MYRIP: variants seen among roughly 807,000 people sequenced by gnomAD.
The protein encoded by MYRIP is rab effector MyRIP.
MYRIP carries 49 observed loss-of-function variants against 98.0 expected under a neutral mutation model. The observed-to-expected ratio is 0.50, with a 90% CI of 0.40 to 0.63. The LOEUF is 0.63. Among genes scored for constraint, MYRIP ranks in the 30% least tolerant of loss-of-function variants. The pLI is 0.00. For synonymous variants in MYRIP, 404 were observed against 409.5 expected (o/e 0.99, Z 0.16); for missense variants, 1,004 against 1,058.2 (o/e 0.95, Z 0.71).
chr3:39,821,440 C>T (rs1205129987), intron 1 of MYRIP, among the ~76,000 whole-genome samples: 2 of 151,970 alleles, frequency 1.3e-5, no homozygotes, highest in Non-Finnish European at 2.9e-5. Flanking sequence ...TTTGTCTTCT[C>T]TATCCTATCA....
chr3:39,901,302 T>C (rs1340766947), intron 2 of MYRIP, among the ~76,000 whole-genome samples: 2 of 152,290 alleles, frequency 1.3e-5, no homozygotes, highest in African/African-American at 4.8e-5. Context: ...CTCATGCATG[T>C]ACAATGTTCT....
intron 2 of MYRIP, among the ~76,000 whole-genome samples, chr3:40,035,529 A>G (rs1201854592): frequency 6.6e-6 from 1 of 152,034 alleles, no homozygotes; most frequent in Non-Finnish European, 1.5e-5. Context: ...TGCAACCAAT[A>G]GACGGATTTG....
chr3:39,946,009 C>A (rs200027850), intron 2 of MYRIP, among the ~76,000 whole-genome samples: 2 of 149,334 alleles, frequency 1.3e-5, no homozygotes, highest in South Asian at 2.1e-4. Context: ...AGGTAATGGC[C>A]AAAAAAAAAG....
intron 3 of MYRIP, among the ~76,000 whole-genome samples, chr3:40,067,751 G>A (rs1039855686): frequency 2.6e-4 from 29 of 110,824 alleles, no homozygotes; most frequent in Non-Finnish European, 7.7e-5. Flanking sequence ...CCTGAAATGA[G>A]GTCTAAGAGA....
chr3:39,895,637 A>G (rs1433078926), intron 1 of MYRIP, among the ~76,000 whole-genome samples: 2 of 152,186 alleles, frequency 1.3e-5, no homozygotes, highest in Admixed American at 6.5e-5. Context: ...CTAATATTGT[A>G]AAGATGGCAG....
At chr3:39,970,527 A>C (rs1197203075) in intron 2 of MYRIP, among the ~76,000 whole-genome samples, 3 of 152,118 alleles carry the variant, frequency 2.0e-5, no homozygotes, top group African/African-American at 7.2e-5. Flanking sequence ...CGATGCTCTT[A>C]GTGATCATAC....
chr3:40,244,330 C>A, intron 12 of MYRIP, 116 bp from the exon 13 acceptor site: 1 of 824,494 alleles, frequency 1.2e-6, no homozygotes, highest in East Asian at 2.9e-5. Flanking sequence ...TAACATCCCC[C>A]CTGCAATGTG....
intron 1 of MYRIP, among the ~76,000 whole-genome samples, chr3:39,847,278 A>G (rs1339271157): frequency 6.6e-6 from 1 of 152,202 alleles, no homozygotes. Context: ...GTCTTGGATG[A>G]TGTTCACTCT....
chr3:40,125,952 A>T (rs1949518140), intron 3 of MYRIP, among the ~76,000 whole-genome samples: 1 of 152,084 alleles, frequency 6.6e-6, no homozygotes, highest in Admixed American at 6.6e-5. Context: ...GTTCTCTTCC[A>T]TCCAGATTCT....
chr3:39,849,771 T>C (rs115835861), intron 1 of MYRIP, among the ~76,000 whole-genome samples: 2,453 of 152,200 alleles, frequency 0.016, 31 homozygotes, highest in Non-Finnish European at 0.025. Context: ...GATTCTCCCA[T>C]AAATAAAACT....
intron 2 of MYRIP, among the ~76,000 whole-genome samples, chr3:39,985,933 G>T (rs551881169): frequency 3.8e-4 from 58 of 151,932 alleles, no homozygotes; most frequent in African/African-American, 1.3e-3. Flanking sequence ...AAAAGCAATG[G>T]CAACAAAAGC....
Position 40,251,914 on chromosome 3 carries a change from T to C in MYRIP, c.2462T>C (p.Ile821Thr), listed in dbSNP as rs1379075822. 6.2e-7 allele frequency: 1 copy of C among 1,613,712 alleles called. No individual in the cohort carries two copies. Among genetic ancestry groups the C allele is most frequent in the South Asian group, 1.1e-5 (1 of 91,054 alleles). ...ATTGAGACATCTTCAGTGACTACCA[T>C]TAAAACATTTAACCACAACTTCATT... ...EKIETSSVTT[I>T]KTFNHNFILQ... Residue 821 changes from isoleucine to threonine, a missense_variant, in exon 16 of 17, where the codon ATT becomes ACT. Coordinates refer to ENST00000302541, the MANE Select transcript of MYRIP (RefSeq NM_015460.4).
Position 39,809,655 on chromosome 3 carries a change from C to T in MYRIP, c.-292C>T, listed in dbSNP as rs1940596630. 6.6e-6 allele frequency: 1 copy of T among 151,888 alleles called. No individual in the cohort carries two copies. Among genetic ancestry groups the T allele is most frequent in the African/African-American group, 2.4e-5 (1 of 41,412 alleles). The allele number at this position is 151,888 out of a possible 1,614,324, so 9.4% of individuals were successfully genotyped here. A position where few individuals can be genotyped will look rare whatever the true frequency, so the allele number is the denominator to read the frequency against. Reference sequence around the variant, plus strand: ...GGCGCGGGCGCCTCCCTCGCAGCCGCTGCTGCCGACGCCGCTGCGCTCCCG... The same window carrying T: ...GGCGCGGGCGCCTCCCTCGCAGCCGTTGCTGCCGACGCCGCTGCGCTCCCG... On this transcript the variant is annotated 5_prime_UTR_variant, in exon 1 of 17. Transcript: ENST00000302541.
intron 3 of MYRIP, among the ~76,000 whole-genome samples, chr3:40,098,537 A>G (rs1054679509): frequency 6.6e-6 from 1 of 152,190 alleles, no homozygotes; most frequent in Non-Finnish European, 1.5e-5. Flanking sequence ...ACTGTAAGCA[A>G]AGTGCCCTGG....
chr3:40,238,820 A>G (rs1345194022), intron 12 of MYRIP: 1 of 152,254 alleles, frequency 6.6e-6, no homozygotes, highest in Non-Finnish European at 1.5e-5. Flanking sequence ...ATAAAGAAAC[A>G]TCAGCATTTA....
chr3:39,900,806 G>A lies in MYRIP; in HGVS notation c.-11G>A. 1 of 1,608,642 alleles carries A rather than the reference G, an allele frequency of 6.2e-7. No homozygotes were observed. Among genetic ancestry groups the A allele is most frequent in the South Asian group, 1.1e-5 (1 of 90,828 alleles). Reference sequence around the variant, plus strand: ...TCCCAGGTCTTGTTTCATCATCTGTGTTGAGTAACCATGGGGAGGAAGCTG... The same window carrying A: ...TCCCAGGTCTTGTTTCATCATCTGTATTGAGTAACCATGGGGAGGAAGCTG... On this transcript the variant is annotated 5_prime_UTR_variant, in exon 2 of 17. Transcript: ENST00000302541.
chr3:39,966,726 A>C (rs1332553424), intron 2 of MYRIP, among the ~76,000 whole-genome samples: 1 of 152,220 alleles, frequency 6.6e-6, no homozygotes, highest in African/African-American at 2.4e-5. Flanking sequence ...CCTTTGCCGA[A>C]GCAATGTAAT....
intron 3 of MYRIP, among the ~76,000 whole-genome samples, chr3:40,135,604 A>T (rs1475205018): frequency 6.6e-6 from 1 of 152,320 alleles, no homozygotes; most frequent in South Asian, 2.1e-4. Flanking sequence ...ACTTGAAATG[A>T]AGGAAAAAAT....
chr3:39,929,717 C>T (rs907978617), intron 2 of MYRIP, among the ~76,000 whole-genome samples: 7 of 151,976 alleles, frequency 4.6e-5, no homozygotes, highest in Non-Finnish European at 7.4e-5. Flanking sequence ...AAAGTTTCAT[C>T]GCTCCAAAAA....
Sources: allele counts gnomAD v4.1 joint callset (sites outside exome capture counted in the v4.1 genomes callset), GRCh38; gene constraint gnomAD v4.1.1; transcripts MANE v1.5; gene names NCBI Gene and HGNC (gene_info 2026-07-23, HGNC 2026-07-21).